OR51B5: variants seen among roughly 807,000 people sequenced by gnomAD.
OR51B5 encodes olfactory receptor 51B5.
For synonymous variants in OR51B5, 186 were observed against 144.8 expected (o/e 1.28, Z -2.04); for missense variants, 456 against 374.6 (o/e 1.22, Z -1.79).
upstream of OR51B5, among the ~76,000 whole-genome samples, chr11:5,348,232 A>T (rs895097550): frequency 2.0e-5 from 3 of 152,068 alleles, no homozygotes; most frequent in African/African-American, 7.2e-5. Context: ...TCTGGAACAC[A>T]TAAGGCAAAC....
At chr11:5,384,142 T>A (rs986080789) in intron 1 of OR51B5, among the ~76,000 whole-genome samples, 1 of 151,812 alleles carries the variant, frequency 6.6e-6, no homozygotes, top group South Asian at 2.1e-4. Context: ...CCTAATGGGA[T>A]TTTTTTTTCT....
chr11:5,423,641 A>G (rs899110584), intron 1 of OR51B5, among the ~76,000 whole-genome samples: 1 of 152,180 alleles, frequency 6.6e-6, no homozygotes, highest in Non-Finnish European at 1.5e-5. Flanking sequence ...TTTGAGGGAC[A>G]ATAGACACAT....
upstream of OR51B5, among the ~76,000 whole-genome samples, chr11:5,344,164 C>A (rs1204288045): frequency 6.6e-6 from 1 of 152,136 alleles, no homozygotes; most frequent in Non-Finnish European, 1.5e-5. Context: ...TGTGAATTAC[C>A]CTCTTGTAGA....
chr11:5,348,389 T>C (rs561108435), upstream of OR51B5, among the ~76,000 whole-genome samples: 12 of 152,122 alleles, frequency 7.9e-5, no homozygotes, highest in Non-Finnish European at 1.3e-4. Context: ...CCATGTCTTT[T>C]ACCTTAGAAG....
chr11:5,440,830 C>T lies in OR51B5; in HGVS notation n.84+64739G>A, dbSNP rs759029483. ...AGCCGCTGTTCCTGGGATATGATGA[C>T]CAGCATGGCTCTCAGGATCAATGCG... On this transcript the variant is annotated intron_variant and non_coding_transcript_variant, in intron 1 of 4. Transcript: ENST00000415970. 4.3e-6 allele frequency: 7 copies of T among 1,613,676 alleles called. No individual in the cohort carries two copies. Among genetic ancestry groups the T allele is most frequent in the Non-Finnish European group, 2.5e-6 (3 of 1,179,918 alleles).
intron 1 of OR51B5, among the ~76,000 whole-genome samples, chr11:5,435,677 G>A (rs980113373): frequency 1.3e-5 from 2 of 152,190 alleles, no homozygotes; most frequent in South Asian, 4.1e-4. Flanking sequence ...AATCCCTTTA[G>A]CTATTTCTCC....
chr11:5,434,016 A>G (rs1216372860), intron 1 of OR51B5, among the ~76,000 whole-genome samples: 1 of 152,106 alleles, frequency 6.6e-6, no homozygotes, highest in Non-Finnish European at 1.5e-5. Context: ...GCCTCTTACC[A>G]ATTTATTTAT....
At chr11:5,396,977 G>A (rs1266205460) in intron 1 of OR51B5, among the ~76,000 whole-genome samples, 1 of 152,188 alleles carries the variant, frequency 6.6e-6, no homozygotes, top group Non-Finnish European at 1.5e-5. Context: ...TTAATAAATG[G>A]TGCTGGGAAA....
At chr11:5,472,554 C>T (rs991234368) in intron 1 of OR51B5, among the ~76,000 whole-genome samples, 1 of 152,174 alleles carries the variant, frequency 6.6e-6, no homozygotes, top group African/African-American at 2.4e-5. Flanking sequence ...CTGCTAAGTC[C>T]AAGGGCTCCA....
At chr11:5,461,842 A>G (rs1011930508) in intron 1 of OR51B5, among the ~76,000 whole-genome samples, 1 of 152,124 alleles carries the variant, frequency 6.6e-6, no homozygotes, top group Non-Finnish European at 1.5e-5. Flanking sequence ...TACCCCATAC[A>G]GGCTTTCCAG....
chr11:5,402,750 A>C, intron 1 of OR51B5: 1 of 471,428 alleles, frequency 2.1e-6, no homozygotes, highest in South Asian at 1.5e-5. Context: ...TCTTCACGTC[A>C]TCAGAACAGA....
intron 1 of OR51B5, among the ~76,000 whole-genome samples, chr11:5,451,775 GAGAA>G (rs1850854602): frequency 6.6e-6 from 1 of 152,198 alleles, no homozygotes; most frequent in African/African-American, 2.4e-5. Context: ...GGAGAGGAAA[GAGAA>G]AGGAAAAACA....
At chr11:5,446,874 G>T (rs1338529680) in intron 1 of OR51B5, among the ~76,000 whole-genome samples, 1 of 152,192 alleles carries the variant, frequency 6.6e-6, no homozygotes, top group Non-Finnish European at 1.5e-5. Flanking sequence ...TCCTACTTCA[G>T]TGCGTAAGGT....
intron 1 of OR51B5, among the ~76,000 whole-genome samples, chr11:5,418,292 T>C (rs982620154): frequency 6.6e-6 from 1 of 151,774 alleles, no homozygotes; most frequent in African/African-American, 2.4e-5. Context: ...CATTGGGAGA[T>C]ATACCTAATG....
chr11:5,423,543 AT>A (rs1022318365), intron 1 of OR51B5, among the ~76,000 whole-genome samples: 2 of 152,174 alleles, frequency 1.3e-5, no homozygotes, highest in African/African-American at 4.8e-5. Context: ...AGGCAGTTCC[AT>A]TTAGGCATTT....
chr11:5,481,818 AAGG>A (rs1381107132), intron 1 of OR51B5, among the ~76,000 whole-genome samples: 1 of 138,466 alleles, frequency 7.2e-6, no homozygotes, highest in African/African-American at 3.0e-5. Context: ...GGACCTCTTC[AAGG>A]AGAACTACAA....
chr11:5,352,119 G>A lies in OR51B5; in HGVS notation n.85-5209C>T, dbSNP rs773010539. The A allele has an allele frequency of 1.1e-5, 18 of 1,613,984 alleles. No homozygotes were observed. In the Admixed American group the frequency reaches 1.5e-4, roughly 13 times the overall value. ...ATCCAGTTGTAGTTTTATTTGCAAT[G>A]GTCTTGTTGGACTTTCTCATCATCT... On this transcript the variant is annotated intron_variant and non_coding_transcript_variant, in intron 1 of 4. Coordinates refer to the OR51B5 transcript ENST00000415970.
At chr11:5,387,733 T>TA (rs113798984) in intron 1 of OR51B5, among the ~76,000 whole-genome samples, 118,606 of 151,884 alleles carry the variant, frequency 0.78, 46,715 homozygotes, top group Middle Eastern at 0.84. Context: ...CTTCCTTGAA[T>TA]GTTTTTCCCT....
At chr11:5,390,165 C>G (rs9783355) in intron 1 of OR51B5, 2 of 1,613,672 alleles carry the variant, frequency 1.2e-6, no homozygotes, top group Non-Finnish European at 1.7e-6. Flanking sequence ...TGCACCGCTC[C>G]TCTCTGTGCT....
Sources: gnomAD v4.1 joint callset for allele counts (sites outside exome capture counted in the v4.1 genomes callset) on GRCh38, gnomAD v4.1.1 for gene constraint, MANE v1.5 for transcripts, NCBI Gene and HGNC (gene_info 2026-07-23, HGNC 2026-07-21) for gene names.